The following CPQ variants were observed in gnomAD, a reference collection of about 807,000 sequenced individuals.
CPQ encodes carboxypeptidase Q.
CPQ carries 37 observed loss-of-function variants against 45.7 expected under a neutral mutation model. The ratio of observed to expected loss-of-function variants is 0.81; its 90% CI spans 0.62 to 1.07. The LOEUF (loss-of-function observed/expected upper bound fraction) is 1.07. Among genes scored for constraint, CPQ ranks in the 50% least tolerant of loss-of-function variants. CPQ has a pLI of 0.00. For synonymous variants in CPQ, 186 were observed against 205.8 expected, an observed-to-expected ratio of 0.90 and a Z score of 0.82; for missense variants, 537 against 572.9, an observed-to-expected ratio of 0.94 and a Z score of 0.64.
chr8:96,841,722 T>G (rs930039121), intron 3 of CPQ, among the ~76,000 whole-genome samples: 9 of 152,110 alleles, frequency 5.9e-5, no homozygotes, highest in African/African-American at 2.2e-4. Context: ...CAGAGTATAG[T>G]GAAGAGGAGG....
intron 4 of CPQ, among the ~76,000 whole-genome samples, chr8:96,895,740 A>G (rs1251012080): frequency 6.6e-6 from 1 of 152,208 alleles, no homozygotes; most frequent in Non-Finnish European, 1.5e-5. Flanking sequence ...TGTCACAGTT[A>G]TACTGTCAGT....
At chr8:96,764,045 TA>T (rs1208391122) in intron 1 of CPQ, among the ~76,000 whole-genome samples, 2 of 152,156 alleles carry the variant, frequency 1.3e-5, no homozygotes, top group African/African-American at 4.8e-5. Flanking sequence ...TATGCCCATA[TA>T]AAGAGTACAA....
At chr8:96,862,674 C>A (rs144443495) in intron 3 of CPQ, among the ~76,000 whole-genome samples, 263 of 152,112 alleles carry the variant, frequency 1.7e-3, no homozygotes, top group African/African-American at 6.0e-3. Flanking sequence ...GTGTCAGACA[C>A]CTACATATCT....
intron 1 of CPQ, among the ~76,000 whole-genome samples, chr8:96,740,531 GTCT>G (rs1210853778): frequency 1.4e-4 from 21 of 151,728 alleles, no homozygotes; most frequent in Non-Finnish European, 2.6e-4. Flanking sequence ...GGGCATCCCT[GTCT>G]TATGCCAGTT....
intron 7 of CPQ, among the ~76,000 whole-genome samples, chr8:97,123,043 T>TAAATA (rs1554591596): frequency 6.0e-5 from 1 of 16,738 alleles, no homozygotes; most frequent in African/African-American, 3.1e-4. Flanking sequence ...TAAAATAAAA[T>TAAATA]AAATAAAATA....
At chr8:96,653,578 C>T (rs926915633) in intron 1 of CPQ, among the ~76,000 whole-genome samples, 7 of 152,068 alleles carry the variant, frequency 4.6e-5, no homozygotes, top group Non-Finnish European at 7.4e-5. Flanking sequence ...GGAAGCCTTA[C>T]CAGTAACATA....
At chr8:96,655,968 C>CCT (rs1381378545) in intron 1 of CPQ, among the ~76,000 whole-genome samples, 1 of 152,196 alleles carries the variant, frequency 6.6e-6, no homozygotes, top group Non-Finnish European at 1.5e-5. Context: ...GATTCTCCCA[C>CCT]CTCAGCCTCT....
At chr8:96,866,505 G>T (rs1050625350) in intron 3 of CPQ, among the ~76,000 whole-genome samples, 1 of 152,016 alleles carries the variant, frequency 6.6e-6, no homozygotes, top group Non-Finnish European at 1.5e-5. Context: ...TTATTACGGA[G>T]AATTGATTAA....
At chr8:96,723,155 G>A (rs981501742) in intron 1 of CPQ, among the ~76,000 whole-genome samples, 3 of 152,008 alleles carry the variant, frequency 2.0e-5, no homozygotes, top group South Asian at 4.1e-4. Context: ...ACCATACCCC[G>A]AATAGTAAAA....
intron 2 of CPQ, among the ~76,000 whole-genome samples, chr8:96,806,560 G>C (rs369004316): frequency 2.0e-5 from 3 of 152,268 alleles, no homozygotes; most frequent in Non-Finnish European, 4.4e-5. Context: ...ATACTAGAAA[G>C]CAGTTAAAAT....
intron 3 of CPQ, among the ~76,000 whole-genome samples, chr8:96,863,776 G>A (rs536031069): frequency 3.9e-4 from 60 of 152,152 alleles, no homozygotes; most frequent in African/African-American, 1.3e-3. Flanking sequence ...ACGCCAAAGT[G>A]TCTCAGTGAC....
At chr8:96,750,736 G>A (rs1810247316) in intron 1 of CPQ, among the ~76,000 whole-genome samples, 1 of 151,786 alleles carries the variant, frequency 6.6e-6, no homozygotes, top group East Asian at 1.9e-4. Flanking sequence ...CCATCACCTA[G>A]GTATAAAGCT....
intron 6 of CPQ, among the ~76,000 whole-genome samples, chr8:97,060,222 G>T (rs1052746439): frequency 6.6e-6 from 1 of 152,082 alleles, no homozygotes; most frequent in Non-Finnish European, 1.5e-5. Context: ...TTTATATTAG[G>T]AAGTATTTTA....
chr8:96,655,668 T>C (rs944538251), intron 1 of CPQ, among the ~76,000 whole-genome samples: 5 of 152,216 alleles, frequency 3.3e-5, no homozygotes, highest in African/African-American at 7.2e-5. Context: ...TTCAAAACTT[T>C]GTAAGTAAGA....
At chr8:96,921,302 CTG>C (rs1812803219) in intron 4 of CPQ, among the ~76,000 whole-genome samples, 1 of 152,142 alleles carries the variant, frequency 6.6e-6, no homozygotes, top group Admixed American at 6.5e-5. Flanking sequence ...CCACTGGTGA[CTG>C]TGGATTGCTG....
At chr8:97,047,183 C>A (rs568737065) in intron 6 of CPQ, among the ~76,000 whole-genome samples, 2 of 152,262 alleles carry the variant, frequency 1.3e-5, no homozygotes, top group East Asian at 3.9e-4. Context: ...GTTGCCAGAC[C>A]ATGTACTGTT....
At chr8:96,976,133 C>T (rs1813776256) in intron 5 of CPQ, among the ~76,000 whole-genome samples, 1 of 149,528 alleles carries the variant, frequency 6.7e-6, no homozygotes, top group African/African-American at 2.5e-5. Flanking sequence ...CAAATGAATT[C>T]AGCAAAGGTT....
intron 1 of CPQ, among the ~76,000 whole-genome samples, chr8:96,667,251 G>T (rs1223314349): frequency 1.3e-5 from 2 of 151,984 alleles, no homozygotes; most frequent in Non-Finnish European, 1.5e-5. Flanking sequence ...ATAAGAAAAT[G>T]CATGTTTTAA....
intron 1 of CPQ, among the ~76,000 whole-genome samples, chr8:96,769,783 C>T (rs1296538030): frequency 6.6e-6 from 1 of 151,900 alleles, no homozygotes; most frequent in Non-Finnish European, 1.5e-5. Flanking sequence ...AGACACGTGC[C>T]ACCATGCCTG....
Sources: allele counts gnomAD v4.1 joint callset (sites outside exome capture counted in the v4.1 genomes callset), GRCh38; gene constraint gnomAD v4.1.1; transcripts MANE v1.5; gene names NCBI Gene and HGNC (gene_info 2026-07-23, HGNC 2026-07-21).